Variants in PTGER3 observed in about 807,000 individuals in gnomAD.
PTGER3 encodes the protein prostaglandin E2 receptor EP3 subtype.
Under a neutral mutation model 34.7 loss-of-function variants are expected in PTGER3, and 22 were observed. That is an observed-to-expected ratio of 0.63 (90% CI 0.45 to 0.91). The LOEUF is 0.91. Among genes scored for constraint, PTGER3 ranks in the 40% least tolerant of loss-of-function variants. The pLI is 0.00. For synonymous variants in PTGER3, 241 were observed against 230.1 expected, an observed-to-expected ratio of 1.05 and a Z score of -0.43; for missense variants, 468 against 519.4, an observed-to-expected ratio of 0.90 and a Z score of 0.96.
intron 1 of PTGER3, among the ~76,000 whole-genome samples, chr1:71,042,841 G>C (rs1226921437): frequency 6.6e-6 from 1 of 152,160 alleles, no homozygotes; most frequent in Non-Finnish European, 1.5e-5. Flanking sequence ...CTCTGTATTT[G>C]TGGATACTGA....
chr1:71,010,616 AAGT>A (rs1657354144), intron 2 of PTGER3: 1 of 984,808 alleles, frequency 1.0e-6, no homozygotes, highest in African/African-American at 1.7e-5. Flanking sequence ...TTTTGAAAAA[AAGT>A]AGGTAGTTTT....
intron 4 of PTGER3, among the ~76,000 whole-genome samples, chr1:70,899,004 A>G (rs1401431060): frequency 7.0e-6 from 1 of 142,646 alleles, no homozygotes; most frequent in African/African-American, 2.8e-5. Context: ...ATACTCACCT[A>G]CCTTAGCCTG....
At chr1:70,948,747 A>T (rs572871410), downstream of PTGER3, among the ~76,000 whole-genome samples, 36 of 152,276 alleles carry the variant, frequency 2.4e-4, no homozygotes, top group African/African-American at 8.7e-4. Flanking sequence ...CAGATTTTGC[A>T]ATAACTGAAA....
At chr1:70,879,207 C>T (rs957826527) in intron 4 of PTGER3, among the ~76,000 whole-genome samples, 1 of 151,926 alleles carries the variant, frequency 6.6e-6, no homozygotes, top group Non-Finnish European at 1.5e-5. Context: ...GGATTGAACT[C>T]TTTGTAATTA....
chr1:71,010,696 G>A (rs1173144440), intron 2 of PTGER3: 2 of 983,756 alleles, frequency 2.0e-6, no homozygotes, highest in African/African-American at 1.8e-5. Context: ...TTTTAGTATA[G>A]TCTATTTATC....
At chr1:71,003,529 A>G (rs182777113) in intron 2 of PTGER3, among the ~76,000 whole-genome samples, 1 of 152,002 alleles carries the variant, frequency 6.6e-6, no homozygotes, top group South Asian at 2.1e-4. Context: ...AACTTGTAAT[A>G]TTTTTTTTAA....
chr1:70,974,181 T>A (rs1362251419), intron 3 of PTGER3, 116 bp downstream of exon 3: 6 of 1,396,210 alleles, frequency 4.3e-6, no homozygotes, highest in Non-Finnish European at 5.7e-6. Context: ...CAGATGTATA[T>A]GTTTAATTTG....
intron 4 of PTGER3, among the ~76,000 whole-genome samples, chr1:70,875,810 T>C (rs1305476264): frequency 1.3e-5 from 2 of 152,128 alleles, no homozygotes; most frequent in Non-Finnish European, 2.9e-5. Flanking sequence ...CTAGTTCTTT[T>C]TATGGCTGTG....
At chr1:70,909,757 A>G (rs1019301559) in intron 4 of PTGER3, among the ~76,000 whole-genome samples, 3 of 152,214 alleles carry the variant, frequency 2.0e-5, no homozygotes, top group Non-Finnish European at 4.4e-5. Flanking sequence ...AGTCTTTATA[A>G]TATCTTTGAA....
chr1:71,041,401 A>G (rs567692758), intron 1 of PTGER3, among the ~76,000 whole-genome samples: 1 of 152,292 alleles, frequency 6.6e-6, no homozygotes, highest in Admixed American at 6.5e-5. Context: ...CCAATAGAAG[A>G]TCGCCATTCC....
At position 71,047,155 on chromosome 1, in the gene PTGER3, C is replaced by T; in HGVS notation, c.423G>A (p.Gly141=). 5.6e-6 allele frequency: 9 copies of T among 1,600,834 alleles called. No individual in the cohort carries two copies. The highest frequency in any genetic ancestry group is 7.7e-6 in the Non-Finnish European group (9 of 1,173,906). Residue 141 remains glycine (G), a synonymous_variant, in exon 1 of 4, where the codon GGG becomes GGA. Coordinates refer to ENST00000306666, the MANE Select transcript of PTGER3 (RefSeq NM_198719.2). ...CGCTGGCGATGAACAACGAGGAGAGCCCGAAAACAGTCATGGTCAGCCCGA... is the reference window on the plus strand; with the variant it reads ...CGCTGGCGATGAACAACGAGGAGAGTCCGAAAACAGTCATGGTCAGCCCGA... The part of the protein sequence containing the change: ...TFFGLTMTVF[G]LSSLFIASAM...
intron 4 of PTGER3, among the ~76,000 whole-genome samples, chr1:70,934,773 G>T (rs550833000): frequency 6.6e-6 from 1 of 152,246 alleles, no homozygotes; most frequent in African/African-American, 2.4e-5. Context: ...ATTATGAAAA[G>T]CATGCTTTCT....
At chr1:70,940,612 G>T (rs1342290197) in intron 4 of PTGER3, among the ~76,000 whole-genome samples, 2 of 152,178 alleles carry the variant, frequency 1.3e-5, no homozygotes, top group African/African-American at 4.8e-5. Context: ...AGAGAAAAAT[G>T]AGGAAGAAGC....
At chr1:70,852,645 A>G (rs2100416642) in exon 5 of PTGER3, 2 of 680,644 alleles carry the variant, frequency 2.9e-6, no homozygotes, top group Middle Eastern at 3.3e-4. Flanking sequence ...GTATGTAGAT[A>G]TAGTAAAAGT....
At chr1:71,006,284 A>G (rs1572911773) in intron 2 of PTGER3, 1 of 985,442 alleles carries the variant, frequency 1.0e-6, no homozygotes, top group East Asian at 1.1e-4. Flanking sequence ...TCACGAAGAA[A>G]GAGGGATACT....
chr1:70,903,149 G>A (rs762193854), intron 4 of PTGER3, among the ~76,000 whole-genome samples: 5 of 152,140 alleles, frequency 3.3e-5, no homozygotes, highest in Non-Finnish European at 7.4e-5. Flanking sequence ...GTGACTACAA[G>A]CCAAGGAACA....
chr1:71,038,995 A>C (rs11209742), intron 1 of PTGER3, among the ~76,000 whole-genome samples: 42,987 of 152,058 alleles, frequency 0.28, 6,647 homozygotes, highest in East Asian at 0.45. Context: ...AGGTTTGTGC[A>C]CATATAGGAT....
At chr1:70,935,634 TA>T (rs1477490583) in intron 4 of PTGER3, among the ~76,000 whole-genome samples, 1 of 149,094 alleles carries the variant, frequency 6.7e-6, no homozygotes, top group Admixed American at 6.7e-5. Flanking sequence ...AAAATACTTC[TA>T]TTGAGACATT....
chr1:70,897,254 G>C (rs1646741418), intron 4 of PTGER3, among the ~76,000 whole-genome samples: 1 of 152,174 alleles, frequency 6.6e-6, no homozygotes, highest in South Asian at 2.1e-4. Context: ...TCCATTGCTT[G>C]AAGGGGTTGA....
Sources: allele counts gnomAD v4.1 joint callset (sites outside exome capture counted in the v4.1 genomes callset), GRCh38; gene constraint gnomAD v4.1.1; transcripts MANE v1.5; gene names NCBI Gene and HGNC (gene_info 2026-07-23, HGNC 2026-07-21).